The following THRAP3 variants were observed in gnomAD, a reference collection of about 807,000 sequenced individuals.
THRAP3 encodes the protein thyroid hormone receptor-associated protein 3.
In THRAP3, 16 loss-of-function variants were observed where a neutral mutation model predicts 101.0. That is an observed-to-expected ratio of 0.16 (90% confidence interval 0.11 to 0.24). The LOEUF (loss-of-function observed/expected upper bound fraction) is 0.24. Ranked by LOEUF, THRAP3 falls within the 10% of genes least tolerant of loss-of-function variation. The probability of loss-of-function intolerance (pLI) is 1.00; values close to 1 mark genes in which losing one functional copy is unlikely to be tolerated. For synonymous variants in THRAP3, 407 were observed against 422.6 expected (o/e 0.96, Z 0.45); for missense variants, 989 against 1,202.7 (o/e 0.82, Z 2.63).
intron 9 of THRAP3, among the ~76,000 whole-genome samples, chr1:36,300,189 G>C (rs1405577678): frequency 1.3e-5 from 2 of 152,202 alleles, no homozygotes; most frequent in Non-Finnish European, 2.9e-5. Flanking sequence ...AAAGGGAAGG[G>C]AAATAACTCT....
At chr1:36,265,908 C>G (rs1338785217) in intron 2 of THRAP3, among the ~76,000 whole-genome samples, 1 of 152,034 alleles carries the variant, frequency 6.6e-6, no homozygotes, top group Non-Finnish European at 1.5e-5. Context: ...AATCCCAACA[C>G]TTTGGGAGGC....
chr1:36,284,066 A>G (rs1645766505), intron 3 of THRAP3, among the ~76,000 whole-genome samples: 1 of 152,238 alleles, frequency 6.6e-6, no homozygotes, highest in South Asian at 2.1e-4. Flanking sequence ...TATGAAAGAT[A>G]CCTTTTTAAA....
intron 1 of THRAP3, among the ~76,000 whole-genome samples, chr1:36,230,555 G>A (rs532257162): frequency 9.7e-4 from 147 of 152,262 alleles, no homozygotes; most frequent in South Asian, 3.9e-3. Flanking sequence ...GAGCCACCGC[G>A]CCCGGCCTAG....
At chr1:36,213,968 AG>A in the THRAP3 span, among the ~76,000 whole-genome samples, 3 of 81,426 alleles carry the variant, frequency 3.7e-5, no homozygotes, top group East Asian at 2.8e-4. Flanking sequence ...AGAAGGAAAG[AG>A]AAAGAAAGAA....
Position 36,289,843 on chromosome 1 carries a change from C to G in THRAP3, c.1745+79C>G, listed in dbSNP as rs116558508. The G allele has an allele frequency of 3.0e-3, 4,546 of 1,495,240 alleles. 119 individuals are homozygous for G. In the African/African-American group the frequency reaches 0.057, roughly 19 times the overall value. The allele number at this position is 1,495,240 out of a possible 1,614,324, so 92.6% of individuals were successfully genotyped here. On this transcript the variant is annotated intron_variant, in intron 5 of 11. Coordinates refer to ENST00000354618, the MANE Select transcript of THRAP3 (RefSeq NM_005119.4). ...CCTAGCCTTTCTCCCTGGGGACATT[C>G]TGCTGTATTCCCCCTTCTGTCTTAA...
chr1:36,238,406 T>C (rs1485592483), intron 1 of THRAP3, among the ~76,000 whole-genome samples: 2 of 152,194 alleles, frequency 1.3e-5, no homozygotes, highest in African/African-American at 4.8e-5. Flanking sequence ...GTATGAAAAA[T>C]CTTTTTTGAT....
At chr1:36,208,889 A>G in the THRAP3 span, among the ~76,000 whole-genome samples, 1 of 143,428 alleles carries the variant, frequency 7.0e-6, no homozygotes, top group South Asian at 2.2e-4. Context: ...CTGGTCTTGA[A>G]CTCCTGAGTG....
At chr1:36,270,164 G>A (rs1267251215) in intron 2 of THRAP3, among the ~76,000 whole-genome samples, 1 of 152,304 alleles carries the variant, frequency 6.6e-6, no homozygotes, top group South Asian at 2.1e-4. Flanking sequence ...TGAGGAGGGA[G>A]GACTCCTTGA....
In THRAP3 at chr1:36,269,015, C is replaced by T. The variant is rs371754437; in HGVS notation, c.-32+9531C>T. ...TGCTGGGATTACAGGTATGAGCCAC[C>T]GCGCCCAGCCGAGTTAGTTTTTTAA... On this transcript the variant is annotated intron_variant, in intron 2 of 11. Coordinates refer to ENST00000354618, the MANE Select transcript of THRAP3 (RefSeq NM_005119.4). 5.0e-4 allele frequency among the ~76,000 whole-genome samples: 76 copies of T among 152,412 alleles called. 1 individual carries two copies. The East Asian group carries it at 6.7e-3, about 14-fold the overall frequency.
At chr1:36,213,514 A>G in the THRAP3 span, among the ~76,000 whole-genome samples, 1 of 152,020 alleles carries the variant, frequency 6.6e-6, no homozygotes, top group African/African-American at 2.4e-5. Context: ...GGAAGCCAAG[A>G]TTCCTCTGAG....
At chr1:36,249,136 G>A (rs953467333) in intron 1 of THRAP3, among the ~76,000 whole-genome samples, 3 of 151,376 alleles carry the variant, frequency 2.0e-5, no homozygotes, top group African/African-American at 7.3e-5. Flanking sequence ...TGTCCACCTG[G>A]GCCTCCCAAA....
intron 1 of THRAP3, among the ~76,000 whole-genome samples, chr1:36,226,565 T>C (rs993052311): frequency 1.3e-5 from 2 of 152,142 alleles, no homozygotes; most frequent in African/African-American, 4.8e-5. Context: ...GGCCACGATT[T>C]ATTATTTTTA....
At chr1:36,256,161 T>C (rs1227900682) in intron 1 of THRAP3, among the ~76,000 whole-genome samples, 1 of 150,918 alleles carries the variant, frequency 6.6e-6, no homozygotes, top group East Asian at 1.9e-4. Context: ...GGGTTATCGT[T>C]GTAAGCCACC....
Position 36,301,689 on chromosome 1 carries a change from A to G in THRAP3, c.2639A>G (p.Tyr880Cys). ...GAGTACACACCCAAAAGCAAGAAGT[A>G]TTACTTGGTATGTGTCTGGGGATAA... ...DPEYTPKSKK[Y>C]YLHDDREGEG... The change falls in exon 11 of 12, where the codon TAT becomes TGT. Residue 880 changes from tyrosine to cysteine, a missense_variant. By Grantham distance (194) the Tyr-to-Cys change is radical. Coordinates refer to ENST00000354618, the MANE Select transcript of THRAP3 (RefSeq NM_005119.4). 6.2e-7 allele frequency: 1 copy of G among 1,613,394 alleles called. No homozygotes were observed. The highest frequency in any genetic ancestry group is 1.1e-5 in the South Asian group (1 of 91,000).
At chr1:36,243,626 C>A (rs1398956273) in intron 1 of THRAP3, among the ~76,000 whole-genome samples, 2 of 152,244 alleles carry the variant, frequency 1.3e-5, no homozygotes, top group Non-Finnish European at 2.9e-5. Flanking sequence ...AACCATCCGA[C>A]TTCTCAATCC....
In THRAP3 at chr1:36,291,388, T is replaced by TGAA; in HGVS notation, c.1761_1762insAAG (p.Leu587_Ala588insLys). ...TTCTTTTTCAGACCCAGTGGCTTAT[T>TGAA]GGCTCAGGAACGCAAGCTTTGCCGA... On this transcript the variant is annotated inframe_insertion, in exon 6 of 12. Transcript: ENST00000354618. 6.2e-7 allele frequency: 1 copy of TGAA among 1,613,856 alleles called. No individual in the cohort carries two copies. The highest frequency in any genetic ancestry group is 8.5e-7 in the Non-Finnish European group (1 of 1,179,974).
chr1:36,263,385 C>G (rs566476325), intron 2 of THRAP3, among the ~76,000 whole-genome samples: 2 of 152,292 alleles, frequency 1.3e-5, no homozygotes, highest in African/African-American at 2.4e-5. Flanking sequence ...CAGGGGTGAG[C>G]TACTGCACCT....
intron 7 of THRAP3, 57 bp downstream of exon 7, chr1:36,292,766 A>T (rs577934953): frequency 7.5e-7 from 1 of 1,325,364 alleles, no homozygotes; most frequent in Admixed American, 2.1e-5. Flanking sequence ...ATCAGACATT[A>T]AACTCACCTT....
intron 1 of THRAP3, among the ~76,000 whole-genome samples, chr1:36,233,025 C>T (rs903400949): frequency 1.3e-5 from 2 of 151,690 alleles, no homozygotes; most frequent in African/African-American, 2.4e-5. Context: ...CATACCACCA[C>T]GCCCAGCTAA....
Sources: gnomAD v4.1 joint callset for allele counts (sites outside exome capture counted in the v4.1 genomes callset) on GRCh38, gnomAD v4.1.1 for gene constraint, MANE v1.5 for transcripts, NCBI Gene and HGNC (gene_info 2026-07-23, HGNC 2026-07-21) for gene names.